Variants in CALD1 observed in about 807,000 individuals in gnomAD.
CALD1 encodes caldesmon.
CALD1 carries 33 observed loss-of-function variants against 99.9 expected under a neutral mutation model. The ratio of observed to expected loss-of-function variants is 0.33; its 90% CI spans 0.25 to 0.44. The LOEUF (loss-of-function observed/expected upper bound fraction) is 0.44. CALD1 is among the 20% of genes least tolerant of loss of function. The pLI is 1.00. For synonymous variants in CALD1, 310 were observed against 325.0 expected, an observed-to-expected ratio of 0.95 and a Z score of 0.50; for missense variants, 861 against 962.1, an observed-to-expected ratio of 0.89 and a Z score of 1.39.
the CALD1 span, among the ~76,000 whole-genome samples, chr7:134,717,730 C>T: frequency 6.6e-6 from 1 of 152,220 alleles, no homozygotes; most frequent in Non-Finnish European, 1.5e-5. Flanking sequence ...ATTATTATAA[C>T]CAGGGCTTGT....
chr7:134,790,428 C>T (rs747773647), intron 1 of CALD1, among the ~76,000 whole-genome samples: 4 of 152,196 alleles, frequency 2.6e-5, no homozygotes, highest in Non-Finnish European at 5.9e-5. Flanking sequence ...TCCTCCCTAA[C>T]TCCAACCCTC....
intron 1 of CALD1, among the ~76,000 whole-genome samples, chr7:134,795,105 C>T (rs578025986): frequency 6.6e-6 from 1 of 152,234 alleles, no homozygotes; most frequent in African/African-American, 2.4e-5. Context: ...TATTTATTTA[C>T]TTATTTGGGA....
chr7:134,878,962 G>A (rs1469100148), intron 3 of CALD1, among the ~76,000 whole-genome samples: 1 of 151,972 alleles, frequency 6.6e-6, no homozygotes, highest in Non-Finnish European at 1.5e-5. Flanking sequence ...ACAACAGAGG[G>A]AGACCTTGTC....
chr7:134,784,933 T>C (rs1342812569), intron 1 of CALD1, among the ~76,000 whole-genome samples: 1 of 152,204 alleles, frequency 6.6e-6, no homozygotes, highest in Non-Finnish European at 1.5e-5. Flanking sequence ...AGAGGAGATC[T>C]GATTGGTTCA....
intron 1 of CALD1, among the ~76,000 whole-genome samples, chr7:134,780,424 T>A (rs1024366952): frequency 6.6e-6 from 1 of 151,232 alleles, no homozygotes; most frequent in Non-Finnish European, 1.5e-5. Flanking sequence ...ATGCATGCGC[T>A]AGTGGGTGTG....
intron 2 of CALD1, among the ~76,000 whole-genome samples, chr7:134,849,691 T>C (rs943706793): frequency 6.6e-6 from 1 of 152,192 alleles, no homozygotes; most frequent in Admixed American, 6.5e-5. Context: ...CTGATAGTAA[T>C]TGAATTTAAA....
chr7:134,743,144 T>C (rs1796605222), upstream of CALD1, among the ~76,000 whole-genome samples: 1 of 152,220 alleles, frequency 6.6e-6, no homozygotes, highest in African/African-American at 2.4e-5. Context: ...AGATGACTGC[T>C]TTAAGTGCAG....
At chr7:134,850,537 T>G (rs1323042467) in intron 2 of CALD1, among the ~76,000 whole-genome samples, 1 of 152,216 alleles carries the variant, frequency 6.6e-6, no homozygotes, top group Admixed American at 6.5e-5. Flanking sequence ...ATCACAGTTC[T>G]TAGAACTGTG....
chr7:134,933,220 G>GA lies in CALD1; in HGVS notation c.457dup (p.Ser153LysfsTer2). 6.2e-7 allele frequency: 1 copy of GA among 1,610,262 alleles called. No homozygotes were observed. The highest frequency in any genetic ancestry group is 8.5e-7 in the Non-Finnish European group (1 of 1,178,938). On this transcript the variant is annotated frameshift_variant, in exon 5 of 15. Coordinates refer to ENST00000361675, the MANE Select transcript of CALD1 (RefSeq NM_033138.4). LOFTEE classifies it high-confidence loss of function. ...AGAAAATGAAACTACCGAGAAGGAAGAAAAAAGTGAAAGTCGCCAAGAAAG... is the reference window on the plus strand; with the variant it reads ...AGAAAATGAAACTACCGAGAAGGAAGAAAAAAAGTGAAAGTCGCCAAGAAAG...
At chr7:134,850,374 C>T (rs948900795) in intron 2 of CALD1, among the ~76,000 whole-genome samples, 2 of 152,188 alleles carry the variant, frequency 1.3e-5, no homozygotes, top group Admixed American at 1.3e-4. Flanking sequence ...TAAAAGCACA[C>T]AATCTGGGGC....
chr7:134,961,798 AC>A (rs1808284031), intron 13 of CALD1: 1 of 152,156 alleles, frequency 6.6e-6, no homozygotes, highest in African/African-American at 2.4e-5. Flanking sequence ...GAGGCAAGAG[AC>A]CGGACCCAAA....
At chr7:134,826,701 A>C (rs556545586) in intron 1 of CALD1, among the ~76,000 whole-genome samples, 2 of 152,262 alleles carry the variant, frequency 1.3e-5, no homozygotes, top group East Asian at 3.9e-4. Flanking sequence ...ATATGCCCAA[A>C]TTGTTCCTGG....
intron 3 of CALD1, among the ~76,000 whole-genome samples, chr7:134,922,091 T>TA (rs1025307263): frequency 6.4e-4 from 98 of 152,344 alleles, no homozygotes; most frequent in South Asian, 3.5e-3. Context: ...CCCATGTATG[T>TA]AAAAAATACA....
At chr7:134,860,640 A>T (rs1455706488) in intron 2 of CALD1, among the ~76,000 whole-genome samples, 1 of 152,242 alleles carries the variant, frequency 6.6e-6, no homozygotes, top group African/African-American at 2.4e-5. Context: ...TTTAAAGACT[A>T]TATCTTTTCA....
upstream of CALD1, among the ~76,000 whole-genome samples, chr7:134,776,949 T>G (rs1585907606): frequency 1.3e-5 from 2 of 152,172 alleles, no homozygotes; most frequent in East Asian, 3.8e-4. Flanking sequence ...TTTAGATTTA[T>G]TATGGTTCGA....
chr7:134,738,980 T>C, the CALD1 span, among the ~76,000 whole-genome samples: 1 of 152,246 alleles, frequency 6.6e-6, no homozygotes, highest in Non-Finnish European at 1.5e-5. Flanking sequence ...TGTTTTTATT[T>C]ATTTTAGGAT....
rs142612797 is a variant in CALD1 at position 134,950,351 on chromosome 7, G to A, written c.1795-23G>A. ...GCTGTGAAGCTGGTACTGATGCCTCGTTATTTGTTCTTTCTCTCTTAGGAA... is the reference window on the plus strand; with the variant it reads ...GCTGTGAAGCTGGTACTGATGCCTCATTATTTGTTCTTTCTCTCTTAGGAA... On this transcript the variant is annotated intron_variant, in intron 8 of 14. Coordinates refer to ENST00000361675, the MANE Select transcript of CALD1 (RefSeq NM_033138.4). 547 of 1,612,884 alleles carry A rather than the reference G, an allele frequency of 3.4e-4. 2 individuals carry two copies. In the African/African-American group the frequency reaches 5.5e-3, roughly 16 times the overall value.
intron 7 of CALD1, 21 bp downstream of exon 7, chr7:134,941,258 A>C (rs2133059991): frequency 6.4e-7 from 1 of 1,567,024 alleles, no homozygotes; most frequent in Non-Finnish European, 8.6e-7. Flanking sequence ...GCAACTAGTT[A>C]ATAGAAACTG....
chr7:134,836,143 C>CAAAAAAAA (rs377048601), intron 1 of CALD1, among the ~76,000 whole-genome samples: 1 of 68,558 alleles, frequency 1.5e-5, no homozygotes, highest in East Asian at 4.0e-4. Context: ...GACTTCATCT[C>CAAAAAAAA]AAAAAAAAAA....
Sources: allele counts gnomAD v4.1 joint callset (sites outside exome capture counted in the v4.1 genomes callset), GRCh38; gene constraint gnomAD v4.1.1; transcripts MANE v1.5; gene names NCBI Gene and HGNC (gene_info 2026-07-23, HGNC 2026-07-21).